GALNT18: variants seen among roughly 807,000 people sequenced by gnomAD.
GALNT18 encodes polypeptide N-acetylgalactosaminyltransferase 18.
In GALNT18, 44 loss-of-function variants were observed where a neutral mutation model predicts 69.5. The ratio of observed to expected loss-of-function variants is 0.63; its 90% confidence interval spans 0.50 to 0.81. The LOEUF (loss-of-function observed/expected upper bound fraction) is 0.81. Ranked by LOEUF, GALNT18 falls within the 40% of genes least tolerant of loss-of-function variation. The pLI is 0.00. For missense variants in GALNT18, 715 were observed against 810.0 expected, an observed-to-expected ratio of 0.88 and a Z score of 1.42; for synonymous variants, 364 against 318.2, an observed-to-expected ratio of 1.14 and a Z score of -1.53.
rs572543763 is a variant in GALNT18 at position 11,607,130 on chromosome 11, T to A, written c.235+14229A>T. The stretch of plus-strand genomic sequence containing the variant: ...CCAGAGTGAAAGAAGACATTTAATT[T>A]TCTGTTTACAAAAATCAATGCATAC... On this transcript the variant is annotated intron_variant, in intron 1 of 10. Transcript: ENST00000227756. Among the ~76,000 whole-genome samples the A allele has an allele frequency of 3.3e-5, 5 of 152,358 alleles. No individual in the cohort carries two copies. The South Asian group carries it at 6.2e-4, about 19-fold the overall frequency.
intron 6 of GALNT18, among the ~76,000 whole-genome samples, chr11:11,344,433 T>C (rs1313535621): frequency 2.7e-4 from 41 of 152,170 alleles, no homozygotes; most frequent in Admixed American, 2.6e-3. Context: ...ACCATTGCAA[T>C]TGCTTGTTTA....
At chr11:11,498,604 G>C (rs1315722763) in intron 1 of GALNT18, among the ~76,000 whole-genome samples, 2 of 152,184 alleles carry the variant, frequency 1.3e-5, no homozygotes, top group Non-Finnish European at 2.9e-5. Flanking sequence ...TTCGCAACCA[G>C]CCTGGGCAAC....
At chr11:11,537,512 G>A (rs1211916772) in intron 1 of GALNT18, among the ~76,000 whole-genome samples, 1 of 152,168 alleles carries the variant, frequency 6.6e-6, no homozygotes, top group Middle Eastern at 3.2e-3. Flanking sequence ...ATATGTCCGT[G>A]TGTCTCCAGG....
intron 1 of GALNT18, among the ~76,000 whole-genome samples, chr11:11,554,680 A>C (rs570455843): frequency 1.5e-4 from 23 of 152,178 alleles, no homozygotes; most frequent in Middle Eastern, 3.4e-3. Flanking sequence ...AATGGAACTG[A>C]TGTTCCATGG....
Position 11,372,687 on chromosome 11 carries a change from G to A in GALNT18, c.978-58C>T, listed in dbSNP as rs1850939011. On this transcript the variant is annotated intron_variant, in intron 5 of 10. Transcript: ENST00000227756. This position sits in a 1 kb window ranked among gnomAD's most constrained non-coding sequence, Gnocchi z 4.9. Reference sequence around the variant, plus strand: ...TGGTGCAGCTGTCCGAGGAGTAAGAGCAGTAAGGCCTTCCTATCAGGAGGG... The same window carrying A: ...TGGTGCAGCTGTCCGAGGAGTAAGAACAGTAAGGCCTTCCTATCAGGAGGG... The A allele has an allele frequency of 7.7e-7, 1 of 1,303,106 alleles. No homozygotes were observed. Among genetic ancestry groups the A allele is most frequent in the South Asian group, 1.2e-5 (1 of 83,664 alleles). 80.7% of individuals were successfully genotyped at this position (1,303,106 alleles called of 1,614,324 possible). A position where few individuals can be genotyped will look rare whatever the true frequency, so the allele number is the denominator to read the frequency against.
At position 11,613,638 on chromosome 11, in the gene GALNT18, C is replaced by A. The variant is rs1456145010; in HGVS notation, c.235+7721G>T. On this transcript the variant is annotated intron_variant, in intron 1 of 10. Coordinates refer to ENST00000227756, the MANE Select transcript of GALNT18 (RefSeq NM_198516.3). The surrounding 1 kb of genome is among the most constrained non-coding windows in gnomAD (Gnocchi z 4.2). ...CATTACAGATGGAGCTGACTCTAAC[C>A]CCAAAGGCAAGTGAGATTCAATAAC... 2.0e-5 allele frequency among the ~76,000 whole-genome samples: 3 copies of A among 152,182 alleles called. No individual in the cohort carries two copies. Among genetic ancestry groups the A allele is most frequent in the East Asian group, 3.9e-4 (2 of 5,192 alleles).
intron 7 of GALNT18, among the ~76,000 whole-genome samples, chr11:11,335,981 T>C (rs1850104549): frequency 6.6e-6 from 1 of 152,150 alleles, no homozygotes; most frequent in South Asian, 2.1e-4. Flanking sequence ...TGGTAATTTG[T>C]TACCATAGCC....
intron 6 of GALNT18, chr11:11,353,206 T>C (rs915887401): frequency 2.5e-5 from 38 of 1,529,658 alleles, no homozygotes; most frequent in Non-Finnish European, 3.4e-5. Flanking sequence ...GGTAAGACCT[T>C]GTTTCAGACC....
At position 11,523,834 on chromosome 11, in the gene GALNT18, G is replaced by A. The variant is rs1479497109; in HGVS notation, c.236-74898C>T. ...TGGGTCAGAAGTGAATTAATTAAAG[G>A]ACACTGGGAAGCTCATGGAATTGCC... On this transcript the variant is annotated intron_variant, in intron 1 of 10. Transcript: ENST00000227756. This position sits in a 1 kb window ranked among gnomAD's most constrained non-coding sequence, Gnocchi z 4.3. 1.3e-5 allele frequency among the ~76,000 whole-genome samples: 2 copies of A among 152,100 alleles called. No homozygotes were observed. The highest frequency in any genetic ancestry group is 2.4e-5 in the African/African-American group (1 of 41,418).
chr11:11,419,663 A>G (rs1854954286), intron 3 of GALNT18, among the ~76,000 whole-genome samples: 1 of 152,020 alleles, frequency 6.6e-6, no homozygotes, highest in African/African-American at 2.4e-5. Flanking sequence ...AACATAAAAA[A>G]TACAAGTGCA....
intron 6 of GALNT18, among the ~76,000 whole-genome samples, chr11:11,353,912 A>G (rs1028817853): frequency 6.6e-6 from 1 of 152,202 alleles, no homozygotes; most frequent in South Asian, 2.1e-4. Context: ...GGGAGCAGAC[A>G]TCAGAGGAAT....
At chr11:11,483,466 G>A (rs1401123010) in intron 1 of GALNT18, among the ~76,000 whole-genome samples, 1 of 152,188 alleles carries the variant, frequency 6.6e-6, no homozygotes, top group Non-Finnish European at 1.5e-5. Flanking sequence ...CGTCTTGGTC[G>A]AAGAGGAAAG....
At position 11,332,140 on chromosome 11, in the gene GALNT18, C is replaced by G. The variant is rs1850026682; in HGVS notation, c.1416+554G>C. Among the ~76,000 whole-genome samples, 1 of 152,098 alleles carries G rather than the reference C, an allele frequency of 6.6e-6. No individual in the cohort carries two copies. The highest frequency in any genetic ancestry group is 1.5e-5 in the Non-Finnish European group (1 of 68,008). ...AGATTTGAACCAGGTCTGTCTAACT[C>G]CAAACCCTATGCTCTGCCCCCTCCA... On this transcript the variant is annotated intron_variant, in intron 8 of 10. Coordinates refer to ENST00000227756, the MANE Select transcript of GALNT18 (RefSeq NM_198516.3). The surrounding 1 kb of genome is among the most constrained non-coding windows in gnomAD (Gnocchi z 4.3).
Position 11,448,829 on chromosome 11 carries a change from T to G in GALNT18, c.343A>C (p.Lys115Gln). ...TTGTAGCCGTAGTACTGGAATTGCT[T>G]CAGGGCCACGCGCCGGCCTTCGGGG... ...LSPEGRRVAL[K>Q]QFQYYGYNAY... Residue 115 changes from lysine (K) to glutamine (Q), a missense_variant, in exon 2 of 11, where the codon AAG (lysine) becomes CAG (glutamine). Coordinates refer to ENST00000227756, the MANE Select transcript of GALNT18 (RefSeq NM_198516.3). 6.2e-7 allele frequency: 1 copy of G among 1,613,308 alleles called. No homozygotes were observed. The highest frequency in any genetic ancestry group is 8.5e-7 in the Non-Finnish European group (1 of 1,179,786).
chr11:11,388,205 T>C (rs545077867), intron 3 of GALNT18, among the ~76,000 whole-genome samples: 54 of 152,102 alleles, frequency 3.6e-4, no homozygotes, highest in Non-Finnish European at 6.0e-4. Context: ...GTCTACTCTT[T>C]GGTGTCACAG....
chr11:11,443,771 A>G (rs1855584508), intron 2 of GALNT18, among the ~76,000 whole-genome samples: 1 of 152,240 alleles, frequency 6.6e-6, no homozygotes, highest in Admixed American at 6.5e-5. Flanking sequence ...AGGCTTCACC[A>G]GAGGAGTCTG....
At chr11:11,370,448 T>C (rs1416235403) in intron 6 of GALNT18, among the ~76,000 whole-genome samples, 1 of 152,232 alleles carries the variant, frequency 6.6e-6, no homozygotes, top group African/African-American at 2.4e-5. Context: ...AAGGGGGAAC[T>C]GAAATTCAAA....
At position 11,563,703 on chromosome 11, in the gene GALNT18, G is replaced by A. The variant is rs928124627; in HGVS notation, c.235+57656C>T. 5.3e-5 allele frequency among the ~76,000 whole-genome samples: 8 copies of A among 152,112 alleles called. No homozygotes were observed. Among genetic ancestry groups the A allele is most frequent in the African/African-American group, 7.2e-5 (3 of 41,406 alleles). On this transcript the variant is annotated intron_variant, in intron 1 of 10. Coordinates refer to ENST00000227756, the MANE Select transcript of GALNT18 (RefSeq NM_198516.3). This position sits in a 1 kb window ranked among gnomAD's most constrained non-coding sequence, Gnocchi z 4.6. The stretch of plus-strand genomic sequence containing the variant: ...GGGATTCAAACCCAGGCTTCCCAAC[G>A]CCAAGTCTAACACTCTCTCCTCCCA...
intron 3 of GALNT18, among the ~76,000 whole-genome samples, chr11:11,411,158 A>T (rs1854717365): frequency 6.6e-6 from 1 of 152,162 alleles, no homozygotes; most frequent in Non-Finnish European, 1.5e-5. Context: ...AAATAAACAA[A>T]AATAAATTAG....
Sources: gnomAD v4.1 joint callset for allele counts (sites outside exome capture counted in the v4.1 genomes callset) on GRCh38, gnomAD v4.1.1 for gene constraint, Gnocchi (gnomAD v3.1) non-coding constraint, MANE v1.5 for transcripts, NCBI Gene and HGNC (gene_info 2026-07-23, HGNC 2026-07-21) for gene names.